The following NUP205 variants were observed in gnomAD, a reference collection of about 807,000 sequenced individuals.
The protein encoded by NUP205 is nucleoporin 205, also known as nuclear pore complex protein Nup205.
A neutral mutation model predicts 253.8 loss-of-function variants in NUP205; 76 were observed. The observed-to-expected ratio is 0.30, with a 90% CI of 0.25 to 0.36. The LOEUF (loss-of-function observed/expected upper bound fraction) is 0.36. NUP205 is among the 10% of genes least tolerant of loss of function. The pLI is 1.00. For synonymous variants in NUP205, 832 were observed against 850.1 expected, an observed-to-expected ratio of 0.98 and a Z score of 0.37; for missense variants, 2,162 against 2,425.5, an observed-to-expected ratio of 0.89 and a Z score of 2.28.
intron 22 of NUP205, 87 bp downstream of exon 22, chr7:135,607,458 C>T (rs753137321): frequency 4.3e-6 from 6 of 1,403,074 alleles, no homozygotes; most frequent in Non-Finnish European, 5.8e-6. Context: ...AGTATAACAG[C>T]AGGACTTAGT....
At chr7:135,616,600 A>C in intron 24 of NUP205, 55 bp from the exon 25 acceptor site, 2 of 1,034,090 alleles carry the variant, frequency 1.9e-6, no homozygotes, top group Non-Finnish European at 2.8e-6. Flanking sequence ...CCAAATAAAT[A>C]GTTTTAAGAG....
chr7:135,576,708 C>G (rs1004276026), intron 4 of NUP205, among the ~76,000 whole-genome samples: 1 of 151,912 alleles, frequency 6.6e-6, no homozygotes, highest in Non-Finnish European at 1.5e-5. Context: ...ATGATGAAAT[C>G]CCATCTCTAC....
At chr7:135,617,341 A>T in intron 26 of NUP205, 94 bp downstream of exon 26, 1 of 1,232,334 alleles carries the variant, frequency 8.1e-7, no homozygotes, top group Non-Finnish European at 1.1e-6. Context: ...TTTCTTTCTG[A>T]TAGAGACATT....
At chr7:135,593,416 A>C (rs1301998251) in intron 12 of NUP205, among the ~76,000 whole-genome samples, 1 of 152,194 alleles carries the variant, frequency 6.6e-6, no homozygotes, top group East Asian at 1.9e-4. Flanking sequence ...TAATAGCCTG[A>C]GCCTGAAAGA....
In NUP205 at chr7:135,637,949, C is replaced by T; in HGVS notation, c.5155C>T (p.Leu1719=). Residue 1719 remains leucine (L), a synonymous_variant, in exon 37 of 43, where the codon CTA becomes TTA. Transcript: ENST00000285968. The part of the protein sequence containing the change: ...GRFQRQCLGL[L]SRFGGSDRLR... ...TTGTTAGCGCCAGTGCTTAGGACTA[C>T]TAAGTCGCTTTGGTGGCTCTGACAG... is the stretch of plus-strand genomic sequence containing the variant. The T allele has an allele frequency of 6.2e-7, 1 of 1,613,896 alleles. No individual in the cohort carries two copies.
chr7:135,583,750 C>T (rs1366226055), intron 7 of NUP205, among the ~76,000 whole-genome samples: 2 of 151,928 alleles, frequency 1.3e-5, no homozygotes, highest in Non-Finnish European at 2.9e-5. Flanking sequence ...CAGAGCGAGA[C>T]CCTGTCTCAA....
At chr7:135,609,530 C>T (rs1220054379) in intron 22 of NUP205, among the ~76,000 whole-genome samples, 1 of 151,532 alleles carries the variant, frequency 6.6e-6, no homozygotes, top group African/African-American at 2.4e-5. Flanking sequence ...TGCCTGTAGT[C>T]CCAGCTACTT....
At chr7:135,577,643 G>A (rs1806187018) in intron 5 of NUP205, among the ~76,000 whole-genome samples, 153 bp from the exon 6 acceptor site, 1 of 152,188 alleles carries the variant, frequency 6.6e-6, no homozygotes, top group South Asian at 2.1e-4. Flanking sequence ...AAACAATAGG[G>A]TTTGTTCAGA....
chr7:135,570,052 T>TATATATATATATATATAGAGAG (rs1284263475), intron 1 of NUP205, among the ~76,000 whole-genome samples: 1 of 79,166 alleles, frequency 1.3e-5, no homozygotes, highest in African/African-American at 5.2e-5. Context: ...TATATATATA[T>TATATATATATATATATAGAGAG]AGAGAGAGAG....
chr7:135,625,510 T>C (rs1794571796), intron 32 of NUP205, among the ~76,000 whole-genome samples, 155 bp downstream of exon 32: 1 of 152,230 alleles, frequency 6.6e-6, no homozygotes, highest in Admixed American at 6.5e-5. Context: ...ATCTTCCTAG[T>C]GTGCAAAAGA....
intron 22 of NUP205, among the ~76,000 whole-genome samples, chr7:135,608,391 G>A (rs1015577487): frequency 6.6e-6 from 1 of 152,248 alleles, no homozygotes; most frequent in East Asian, 1.9e-4. Flanking sequence ...GTGGTAGAAT[G>A]TCAGATTAAC....
At chr7:135,572,273 T>G (rs1806017313) in intron 2 of NUP205, among the ~76,000 whole-genome samples, 1 of 152,212 alleles carries the variant, frequency 6.6e-6, no homozygotes, top group South Asian at 2.1e-4. Flanking sequence ...TTTAAGAAAT[T>G]TAGTATATTC....
intron 30 of NUP205, among the ~76,000 whole-genome samples, chr7:135,621,381 TTG>T (rs1346440296): frequency 3.9e-5 from 6 of 152,224 alleles, no homozygotes; most frequent in South Asian, 2.1e-4. Flanking sequence ...CATTTTTCTT[TTG>T]TGTGTGTGTT....
Position 135,591,488 on chromosome 7 carries a change from G to C in NUP205, c.1512G>C (p.Leu504=). ...LSKFVRQMGD[L]LPPTIYIPYL... ...AGTTTGTTAGGCAAATGGGTGACCT[G>C]TTGCCTCCAACTATTTATATTCCTT... The change falls in exon 11 of 43, where the codon CTG becomes CTC. Residue 504 remains leucine (L), a synonymous_variant. Transcript: ENST00000285968. 6.2e-7 allele frequency: 1 copy of C among 1,613,808 alleles called. No homozygotes were observed. The highest frequency in any genetic ancestry group is 8.5e-7 in the Non-Finnish European group (1 of 1,179,740).
In NUP205 at chr7:135,602,653, ATC is replaced by A; in HGVS notation, c.2513-148_2513-147del. ...AAATTTTGAAACAATGAGAGCATAA[ATC>A]TCTAGGTTTTGCTGCTGAAAGTTGG... On this transcript the variant is annotated intron_variant, in intron 17 of 42. Transcript: ENST00000285968. The A allele has an allele frequency of 6.3e-6, 4 of 631,232 alleles. No individual in the cohort carries two copies. The South Asian group carries it at 8.5e-5, about 13-fold the overall frequency. 39.1% of individuals were successfully genotyped at this position (631,232 alleles called of 1,614,324 possible).
intron 32 of NUP205, among the ~76,000 whole-genome samples, chr7:135,626,010 C>T (rs571408711): frequency 6.6e-6 from 1 of 152,248 alleles, no homozygotes; most frequent in Admixed American, 6.5e-5. Flanking sequence ...ACACTGTAAA[C>T]GAATACTTGA....
At chr7:135,615,223 G>A (rs1584675336) in intron 23 of NUP205, among the ~76,000 whole-genome samples, 1 of 152,000 alleles carries the variant, frequency 6.6e-6, no homozygotes, top group Non-Finnish European at 1.5e-5. Flanking sequence ...TCACAGTTTA[G>A]GGTTTCAATG....
Position 135,600,985 on chromosome 7 carries a change from C to T in NUP205, c.2374+16C>T. The stretch of plus-strand genomic sequence containing the variant: ...GAACTACAAGGTAATTTAATTCTGT[C>T]ACTTTCAAACAAGTTGTCAACTATT... On this transcript the variant is annotated intron_variant, in intron 16 of 42. Transcript: ENST00000285968. The T allele has an allele frequency of 7.3e-7, 1 of 1,363,482 alleles. No individual in the cohort carries two copies. Among genetic ancestry groups the T allele is most frequent in the Non-Finnish European group, 1.0e-6 (1 of 958,632 alleles). The allele number at this position is 1,363,482 out of a possible 1,614,324, so 84.5% of individuals were successfully genotyped here.
chr7:135,644,795 T>G, intron 39 of NUP205, 100 bp from the exon 40 acceptor site: 1 of 1,168,908 alleles, frequency 8.6e-7, no homozygotes, highest in Middle Eastern at 2.0e-4. Context: ...AATTTGAGTG[T>G]TTTTCATAGC....
Sources: allele counts gnomAD v4.1 joint callset (sites outside exome capture counted in the v4.1 genomes callset), GRCh38; gene constraint gnomAD v4.1.1; transcripts MANE v1.5; gene names NCBI Gene and HGNC (gene_info 2026-07-23, HGNC 2026-07-21).